RCBTB1: variants seen among roughly 807,000 people sequenced by gnomAD.
The protein encoded by RCBTB1 is RCC1 and BTB domain-containing protein 1.
In RCBTB1, 46 loss-of-function variants were observed where a neutral mutation model predicts 62.4. The observed-to-expected ratio is 0.74, with a 90% CI of 0.58 to 0.94. The LOEUF is 0.94. Ranked by LOEUF, RCBTB1 falls within the 40% of genes least tolerant of loss-of-function variation. RCBTB1 has a pLI of 0.00. For synonymous variants in RCBTB1, 222 were observed against 245.8 expected, an observed-to-expected ratio of 0.90 and a Z score of 0.91; for missense variants, 565 against 654.9, an observed-to-expected ratio of 0.86 and a Z score of 1.50.
rs1441634059 is a variant in RCBTB1 at position 49,567,317 on chromosome 13, A to T, written c.-38T>A. 1 of 1,606,734 alleles carries T rather than the reference A, an allele frequency of 6.2e-7. No homozygotes were observed. The highest frequency in any genetic ancestry group is 1.7e-5 in the Admixed American group (1 of 59,286). ...AAGCAATTCCTATAAATAAGCCGACATCTCTGCTGGAACAGAAAGGATTCC... is the reference window on the plus strand; with the variant it reads ...AAGCAATTCCTATAAATAAGCCGACTTCTCTGCTGGAACAGAAAGGATTCC... On this transcript the variant is annotated 5_prime_UTR_variant, in exon 3 of 13. The change abolishes an upstream ATG in the 5' untranslated region. Coordinates refer to ENST00000378302, the MANE Select transcript of RCBTB1 (RefSeq NM_018191.4).
chr13:49,584,316 G>A (rs894154555), intron 1 of RCBTB1, among the ~76,000 whole-genome samples: 2 of 152,094 alleles, frequency 1.3e-5, no homozygotes, highest in African/African-American at 4.8e-5. Flanking sequence ...ACAGACTAGC[G>A]GGTAGAAGAA....
intron 8 of RCBTB1, 73 bp from the exon 9 acceptor site, chr13:49,549,721 T>C (rs1961165359): frequency 1.3e-6 from 2 of 1,505,592 alleles, no homozygotes; most frequent in South Asian, 1.3e-5. Context: ...CAAGGCAATT[T>C]AAAAGTTCAT....
At chr13:49,551,130 GAGGGAGA>G (rs1269040537) in intron 8 of RCBTB1, 189 bp downstream of exon 8, 3 of 524,224 alleles carry the variant, frequency 5.7e-6, no homozygotes, top group Non-Finnish European at 6.5e-6. Context: ...GGGAAGGGGG[GAGGGAGA>G]AGGGGGAAGG....
intron 1 of RCBTB1, among the ~76,000 whole-genome samples, chr13:49,584,901 G>A (rs1964308113): frequency 6.6e-6 from 1 of 152,104 alleles, no homozygotes; most frequent in African/African-American, 2.4e-5. Context: ...CAAGGGAAAC[G>A]TCACTTATTT....
chr13:49,541,052 T>C, intron 11 of RCBTB1, 46 bp from the exon 12 acceptor site: 1 of 1,560,132 alleles, frequency 6.4e-7, no homozygotes, highest in Non-Finnish European at 8.7e-7. Flanking sequence ...TATAATAATT[T>C]CCAATACACA....
At chr13:49,580,219 T>C (rs1770182543) in intron 2 of RCBTB1, among the ~76,000 whole-genome samples, 1 of 152,178 alleles carries the variant, frequency 6.6e-6, no homozygotes, top group African/African-American at 2.4e-5. Flanking sequence ...TGTAAGTTTG[T>C]TCTTTGTTAA....
intron 12 of RCBTB1, among the ~76,000 whole-genome samples, chr13:49,537,204 T>C (rs1960007797): frequency 1.3e-5 from 2 of 152,160 alleles, no homozygotes; most frequent in Non-Finnish European, 2.9e-5. Flanking sequence ...CCTAACTCTG[T>C]CCAACCTGTT....
At chr13:49,567,386 A>AG in intron 2 of RCBTB1, 66 bp from the exon 3 acceptor site, 1 of 1,210,804 alleles carries the variant, frequency 8.3e-7, no homozygotes, top group Non-Finnish European at 1.2e-6. Context: ...CAAAAAAAAG[A>AG]CCTGTTAATA....
chr13:49,565,711 C>G (rs187412573), intron 4 of RCBTB1, among the ~76,000 whole-genome samples: 2,245 of 149,236 alleles, frequency 0.015, 81 homozygotes, highest in African/African-American at 0.052. Context: ...GCAGCCACCC[C>G]GTCTGAGAAG....
At chr13:49,558,126 T>C (rs1962100483) in intron 5 of RCBTB1, among the ~76,000 whole-genome samples, 1 of 152,244 alleles carries the variant, frequency 6.6e-6, no homozygotes. Flanking sequence ...GTCCCATGTC[T>C]GTGTGGGTTT....
chr13:49,553,747 G>A (rs902016788), intron 6 of RCBTB1, among the ~76,000 whole-genome samples: 1 of 152,178 alleles, frequency 6.6e-6, no homozygotes, highest in African/African-American at 2.4e-5. Flanking sequence ...TTAAGGGCCT[G>A]GGGAGAGATG....
In RCBTB1 at chr13:49,541,007, CTAAAAG is replaced by C. The variant is rs992710470; in HGVS notation, c.1325-7_1325-2del. On this transcript the variant is annotated splice_acceptor_variant and splice_polypyrimidine_tract_variant and intron_variant, in intron 11 of 12. Transcript: ENST00000378302. LOFTEE classifies it high-confidence loss of function. The stretch of plus-strand genomic sequence containing the variant: ...TAAGATGTCGCCAAATCCAGAAGAC[CTAAAAG>C]TAAAATATGTGAAAGGTTTAATCAA... 6.2e-7 allele frequency: 1 copy of C among 1,609,432 alleles called. No individual in the cohort carries two copies. Among genetic ancestry groups the C allele is most frequent in the Admixed American group, 1.7e-5 (1 of 59,554 alleles).
intron 8 of RCBTB1, chr13:49,551,058 G>A (rs2002407): frequency 0.2 from 74,553 of 367,796 alleles, 10,075 homozygotes; most frequent in African/African-American, 0.44. Context: ...AGCCGAGATC[G>A]TGCCATTGCA....
chr13:49,541,075 T>C, intron 11 of RCBTB1, 69 bp from the exon 12 acceptor site: 2 of 1,438,848 alleles, frequency 1.4e-6, no homozygotes, highest in Middle Eastern at 1.8e-4. Flanking sequence ...GATTTTGTTT[T>C]GGTGAACAGA....
intron 2 of RCBTB1, among the ~76,000 whole-genome samples, chr13:49,572,672 C>T (rs1489515457): frequency 1.3e-5 from 2 of 151,934 alleles, no homozygotes; most frequent in African/African-American, 2.4e-5. Context: ...GGTGTGGTGG[C>T]GCACGCTGGT....
intron 4 of RCBTB1, among the ~76,000 whole-genome samples, chr13:49,563,424 A>T (rs921422899): frequency 2.1e-5 from 3 of 140,106 alleles, no homozygotes; most frequent in African/African-American, 7.9e-5. Context: ...GCACTTTGGG[A>T]GGCTGAGATG....
intron 4 of RCBTB1, among the ~76,000 whole-genome samples, chr13:49,562,348 C>G (rs1962505674): frequency 6.6e-6 from 1 of 151,590 alleles, no homozygotes; most frequent in African/African-American, 2.4e-5. Flanking sequence ...AAGATCAGGC[C>G]AGGCATGGTG....
chr13:49,547,243 T>C (rs988650620), intron 9 of RCBTB1: 23 of 1,168,252 alleles, frequency 2.0e-5, no homozygotes, highest in Non-Finnish European at 2.6e-5. Flanking sequence ...GAGTATTCAA[T>C]TGGTTTCACT....
In RCBTB1 at chr13:49,560,154, A is replaced by T. The variant is rs558952134; in HGVS notation, c.278-70T>A. The T allele has an allele frequency of 2.7e-4, 412 of 1,524,034 alleles. 1 individual carries two copies. The highest frequency in any genetic ancestry group is 3.6e-4 in the Non-Finnish European group (399 of 1,118,280). 94.4% of individuals were successfully genotyped at this position (1,524,034 alleles called of 1,614,324 possible). On this transcript the variant is annotated intron_variant, in intron 4 of 12. Transcript: ENST00000378302. ...GTAACCCTGTACTTTCTTCCCCAGA[A>T]CTTCGTACAGCTCCTTCTCCAACCT...
Sources: gnomAD v4.1 joint callset for allele counts (sites outside exome capture counted in the v4.1 genomes callset) on GRCh38, gnomAD v4.1.1 for gene constraint, MANE v1.5 for transcripts, NCBI Gene and HGNC (gene_info 2026-07-23, HGNC 2026-07-21) for gene names.